The following RERE variants were observed in gnomAD, a reference collection of about 807,000 sequenced individuals.
The protein encoded by RERE is arginine-glutamic acid dipeptide repeats protein.
In RERE, 40 loss-of-function variants were observed where a neutral mutation model predicts 146.1. The observed-to-expected ratio is 0.27, with a 90% CI of 0.21 to 0.36. RERE has a LOEUF of 0.36. RERE is among the 10% of genes least tolerant of loss of function. The pLI, the probability that RERE is intolerant of heterozygous loss-of-function variation, is 1.00. For missense variants in RERE, 1,933 were observed against 2,138.7 expected, an observed-to-expected ratio of 0.90 and a Z score of 1.90; for synonymous variants, 1,003 against 866.0, an observed-to-expected ratio of 1.16 and a Z score of -2.78.
chr1:8,596,672 CTT>C (rs3082096), intron 4 of RERE, among the ~76,000 whole-genome samples: 5 of 137,806 alleles, frequency 3.6e-5, no homozygotes, highest in African/African-American at 8.1e-5. Context: ...CCATGTCTGG[CTT>C]TTTTTTTTTT....
chr1:8,578,203 A>G (rs1228669305), intron 4 of RERE, among the ~76,000 whole-genome samples: 1 of 152,176 alleles, frequency 6.6e-6, no homozygotes, highest in Non-Finnish European at 1.5e-5. Context: ...TATTTTGTCT[A>G]TGTTTCGTAT....
chr1:8,688,423 G>A (rs997721069), intron 1 of RERE, among the ~76,000 whole-genome samples: 1 of 151,992 alleles, frequency 6.6e-6, no homozygotes, highest in Non-Finnish European at 1.5e-5. Context: ...TCAGCTGGGC[G>A]CAGCACCTGC....
intron 2 of RERE, among the ~76,000 whole-genome samples, chr1:8,644,886 G>C (rs1358782753): frequency 1.3e-5 from 2 of 152,168 alleles, no homozygotes; most frequent in Admixed American, 6.5e-5. Context: ...TATATCACTT[G>C]CATTTTCGAA....
intron 4 of RERE, among the ~76,000 whole-genome samples, chr1:8,594,360 T>C (rs1440583799): frequency 6.6e-6 from 1 of 152,134 alleles, no homozygotes; most frequent in Non-Finnish European, 1.5e-5. Context: ...GGTGTGTACT[T>C]ACAACAAACT....
intron 7 of RERE, among the ~76,000 whole-genome samples, chr1:8,527,003 T>C (rs1021494829): frequency 1.3e-5 from 2 of 152,174 alleles, no homozygotes; most frequent in African/African-American, 4.8e-5. Context: ...GCCAATTCTG[T>C]TTCCCAGAAA....
chr1:8,405,980 A>G (rs1257870871), intron 12 of RERE, among the ~76,000 whole-genome samples: 5 of 151,902 alleles, frequency 3.3e-5, no homozygotes, highest in African/African-American at 9.7e-5. Flanking sequence ...TTCAAGGGGG[A>G]AAAAAATTAC....
At chr1:8,479,221 C>CA (rs1644800459) in intron 10 of RERE, among the ~76,000 whole-genome samples, 2 of 151,402 alleles carry the variant, frequency 1.3e-5, no homozygotes, top group African/African-American at 2.4e-5. Flanking sequence ...CCTGTCTCTA[C>CA]AAAAAAATTT....
chr1:8,565,117 A>G (rs1461441115), intron 4 of RERE, among the ~76,000 whole-genome samples: 1 of 152,132 alleles, frequency 6.6e-6, no homozygotes, highest in East Asian at 1.9e-4. Context: ...AAATCTCAGT[A>G]AAGAAGAATA....
chr1:8,724,961 T>C (rs1639932609), intron 1 of RERE, among the ~76,000 whole-genome samples: 1 of 151,626 alleles, frequency 6.6e-6, no homozygotes, highest in South Asian at 2.1e-4. Context: ...ACTCCTTTAG[T>C]TTACACACCA....
chr1:8,514,205 C>G (rs1185842512), intron 7 of RERE, among the ~76,000 whole-genome samples: 3 of 152,224 alleles, frequency 2.0e-5, no homozygotes, highest in Admixed American at 6.5e-5. Flanking sequence ...AAATAACAAG[C>G]TCACTTAATT....
chr1:8,357,694 G>C (rs1381018512), intron 20 of RERE, among the ~76,000 whole-genome samples: 1 of 152,222 alleles, frequency 6.6e-6, no homozygotes, highest in Middle Eastern at 3.2e-3. Context: ...CTACTTCCAG[G>C]GTGGACAGGA....
At chr1:8,805,114 G>A (rs1026651662) in intron 1 of RERE, among the ~76,000 whole-genome samples, 10 of 149,400 alleles carry the variant, frequency 6.7e-5, no homozygotes, top group African/African-American at 2.2e-4. Flanking sequence ...AGGTTCAAGC[G>A]ATTGTCCCGG....
intron 1 of RERE, among the ~76,000 whole-genome samples, chr1:8,685,709 G>C (rs1425212329): frequency 1.3e-5 from 2 of 152,174 alleles, no homozygotes; most frequent in African/African-American, 4.8e-5. Flanking sequence ...AATAACCTAA[G>C]ATTGCTCCAA....
chr1:8,747,141 A>ACAGGGGCCCACCACCACACC, intron 1 of RERE, among the ~76,000 whole-genome samples: 1 of 152,110 alleles, frequency 6.6e-6, no homozygotes, highest in South Asian at 2.1e-4. Flanking sequence ...AGCTGGGACT[A>ACAGGGGCCCACCACCACACC]CAGGGGCCCA....
chr1:8,407,039 A>C (rs1643463970), intron 12 of RERE, among the ~76,000 whole-genome samples: 1 of 152,252 alleles, frequency 6.6e-6, no homozygotes, highest in East Asian at 1.9e-4. Context: ...TGGAAAGTTA[A>C]TGAACATGGA....
intron 1 of RERE, among the ~76,000 whole-genome samples, chr1:8,779,788 A>T (rs555327119): frequency 3.9e-4 from 59 of 152,222 alleles, no homozygotes; most frequent in Non-Finnish European, 8.2e-4. Flanking sequence ...AAAGATCCAT[A>T]GTGTTACAGC....
chr1:8,765,867 G>A (rs776334435), intron 1 of RERE, among the ~76,000 whole-genome samples: 26 of 152,116 alleles, frequency 1.7e-4, no homozygotes, highest in Admixed American at 3.3e-4. Flanking sequence ...CAAGAGAATC[G>A]CTTGAACCAG....
At position 8,358,680 on chromosome 1, in the gene RERE, C is replaced by A. The variant is rs138068073; in HGVS notation, c.3855G>T (p.Leu1285=). The A allele has an allele frequency of 1.3e-6, 2 of 1,585,032 alleles. No individual in the cohort carries two copies. The highest frequency in any genetic ancestry group is 2.7e-5 in the African/African-American group (2 of 74,382). The change falls in exon 20 of 23, where the codon CTG becomes CTT. Residue 1285 remains leucine (L), a synonymous_variant. Transcript: ENST00000400908. The stretch of plus-strand genomic sequence containing the variant: ...TGTAGAGGCCAGGCATGTGGTAGGC[C>A]AGCAGGGGGTCCGTGGGGTTAAGGG... ...YMPLNPTDPL[L]AYHMPGLYNV... is the part of the protein sequence containing the mutation.
At chr1:8,810,627 A>T (rs775378702) in intron 1 of RERE, among the ~76,000 whole-genome samples, 21 of 152,146 alleles carry the variant, frequency 1.4e-4, no homozygotes, top group South Asian at 2.1e-4. Context: ...AATTTAAATT[A>T]AAAAAAATTA....
Sources: allele counts gnomAD v4.1 joint callset (sites outside exome capture counted in the v4.1 genomes callset), GRCh38; gene constraint gnomAD v4.1.1; transcripts MANE v1.5; gene names NCBI Gene and HGNC (gene_info 2026-07-23, HGNC 2026-07-21).